Variants in PCSK5 observed in about 807,000 individuals in gnomAD.
The protein encoded by PCSK5 is proprotein convertase subtilisin/kexin type 5, also known as prohormone convertase 5.
In PCSK5, 129 loss-of-function variants were observed where a neutral mutation model predicts 233.2. The observed-to-expected ratio is 0.55, with a 90% CI of 0.48 to 0.64. The LOEUF is 0.64. Among genes scored for constraint, PCSK5 ranks in the 30% least tolerant of loss-of-function variants. PCSK5 has a pLI of 0.00. For missense variants in PCSK5, 2,076 were observed against 2,430.1 expected, an observed-to-expected ratio of 0.85 and a Z score of 3.06; for synonymous variants, 825 against 879.2, an observed-to-expected ratio of 0.94 and a Z score of 1.09.
intron 20 of PCSK5, among the ~76,000 whole-genome samples, chr9:76,191,950 G>C (rs952787743): frequency 1.1e-4 from 4 of 38,062 alleles, no homozygotes; most frequent in Middle Eastern, 0.015. Context: ...ATGGTAGCAC[G>C]TACCTGTAAT....
At chr9:75,955,862 G>A (rs960182225) in intron 2 of PCSK5, among the ~76,000 whole-genome samples, 1 of 152,054 alleles carries the variant, frequency 6.6e-6, no homozygotes, top group Admixed American at 6.6e-5. Flanking sequence ...ACCCTCCAAC[G>A]TGCTATCACC....
intron 1 of PCSK5, among the ~76,000 whole-genome samples, chr9:75,923,179 G>A (rs1041513331): frequency 6.6e-6 from 1 of 152,178 alleles, no homozygotes; most frequent in Non-Finnish European, 1.5e-5. Flanking sequence ...TCCTGGCTTG[G>A]ATACTTCTTT....
intron 36 of PCSK5, among the ~76,000 whole-genome samples, chr9:76,353,488 T>C (rs1564198123): frequency 6.6e-6 from 1 of 152,184 alleles, no homozygotes; most frequent in South Asian, 2.1e-4. Context: ...AAAGTGGAAA[T>C]TGATGTATCA....
intron 24 of PCSK5, among the ~76,000 whole-genome samples, chr9:76,259,442 C>T (rs1827093220): frequency 7.2e-6 from 1 of 139,344 alleles, no homozygotes; most frequent in Non-Finnish European, 1.5e-5. Flanking sequence ...GCCTCCCTCC[C>T]TCTCTGTCTA....
chr9:76,189,021 TAAAG>T, intron 18 of PCSK5, 69 bp from the exon 19 acceptor site: 1 of 1,357,360 alleles, frequency 7.4e-7, no homozygotes, highest in Non-Finnish European at 1.0e-6. Flanking sequence ...CTCAAACTGT[TAAAG>T]AAGAAGCCCA....
At chr9:76,281,983 T>C (rs535918528) in intron 24 of PCSK5, among the ~76,000 whole-genome samples, 2 of 151,990 alleles carry the variant, frequency 1.3e-5, no homozygotes, top group South Asian at 4.2e-4. Context: ...TGTATGGCAA[T>C]AGCTGCCGTA....
intron 34 of PCSK5, among the ~76,000 whole-genome samples, chr9:76,337,474 A>C (rs558946153): frequency 5.9e-5 from 9 of 151,270 alleles, no homozygotes; most frequent in Admixed American, 3.9e-4. Context: ...GTACCTGGCC[A>C]GATGGATCTC....
At chr9:76,049,620 A>T (rs1829551638) in intron 5 of PCSK5, among the ~76,000 whole-genome samples, 1 of 152,190 alleles carries the variant, frequency 6.6e-6, no homozygotes. Context: ...ACCTTCTCAC[A>T]CCCTGAAGTG....
chr9:76,043,300 T>C (rs571749406), intron 5 of PCSK5, among the ~76,000 whole-genome samples: 313 of 133,242 alleles, frequency 2.3e-3, no homozygotes, highest in African/African-American at 8.4e-3. Flanking sequence ...TGCACCACTG[T>C]GCTCCAGCCT....
intron 7 of PCSK5, among the ~76,000 whole-genome samples, chr9:76,086,193 A>G (rs1831054726): frequency 6.6e-6 from 1 of 151,920 alleles, no homozygotes; most frequent in African/African-American, 2.4e-5. Context: ...GTGTGAGAAT[A>G]GCTTTTCTTC....
intron 8 of PCSK5, 112 bp downstream of exon 8, chr9:76,096,214 C>CACACACACAG (rs568805931): frequency 1.5e-6 from 1 of 677,698 alleles, no homozygotes; most frequent in African/African-American, 1.8e-5. Flanking sequence ...CACACACACA[C>CACACACACAG]AGAAGTAATA....
chr9:75,942,909 G>T (rs1663315169), intron 2 of PCSK5, among the ~76,000 whole-genome samples: 1 of 128,148 alleles, frequency 7.8e-6, no homozygotes, highest in Non-Finnish European at 1.6e-5. Flanking sequence ...TTTTGAGATG[G>T]AGTCTTGCTC....
chr9:76,192,575 C>T (rs1005740454), intron 20 of PCSK5, among the ~76,000 whole-genome samples: 4 of 151,990 alleles, frequency 2.6e-5, no homozygotes, highest in African/African-American at 9.7e-5. Context: ...TCTGTTCAAC[C>T]GAGTTAGGCA....
intron 37 of PCSK5, among the ~76,000 whole-genome samples, chr9:76,355,731 T>C (rs1281353024): frequency 6.6e-6 from 1 of 151,920 alleles, no homozygotes; most frequent in Non-Finnish European, 1.5e-5. Context: ...TTTGACAGAG[T>C]GTGGCTCTGT....
intron 1 of PCSK5, among the ~76,000 whole-genome samples, chr9:75,931,060 T>G (rs967304224): frequency 6.6e-6 from 1 of 152,090 alleles, no homozygotes; most frequent in Non-Finnish European, 1.5e-5. Flanking sequence ...TCCACTTGAA[T>G]AAAAAATGTG....
intron 20 of PCSK5, among the ~76,000 whole-genome samples, chr9:76,191,684 A>G (rs1048098941): frequency 6.6e-6 from 1 of 152,176 alleles, no homozygotes; most frequent in South Asian, 2.1e-4. Context: ...TTTTCTCGCC[A>G]GGGCTGATTC....
Position 76,323,165 on chromosome 9 carries a change from A to G in PCSK5, c.4216A>G (p.Ser1406Gly), listed in dbSNP as rs750244268. The G allele has an allele frequency of 3.7e-6, 6 of 1,612,362 alleles. No individual in the cohort carries two copies. The highest frequency in any genetic ancestry group is 5.1e-6 in the Non-Finnish European group (6 of 1,179,490). The change falls in exon 32 of 38, where the codon AGT becomes GGT. Residue 1406 changes from serine (S) to glycine (G), a missense_variant. By Grantham distance (56) the Ser-to-Gly change is moderately conservative (BLOSUM62 0). This residue lies in a region of PCSK5 where 1,510 missense variants were observed against 1,538.1 expected (regional missense o/e 0.98). Coordinates refer to ENST00000674117, the MANE Select transcript of PCSK5 (RefSeq NM_001372043.1). ...CTGCCATAAAGACTGTCTGGAGTGC[A>G]GTGGCCCCAAAGCCGACGACTGCGA... ...VPCHKDCLECSGPKADDCELC... is the reference protein window; with the variant it reads ...VPCHKDCLECGGPKADDCELC...
intron 5 of PCSK5, among the ~76,000 whole-genome samples, chr9:76,050,149 A>G (rs1162604710): frequency 6.6e-6 from 1 of 152,178 alleles, no homozygotes; most frequent in African/African-American, 2.4e-5. Flanking sequence ...AAAATTAATT[A>G]TGAGTCAGAA....
chr9:76,250,317 T>C (rs1408207352), intron 24 of PCSK5, among the ~76,000 whole-genome samples: 3 of 152,006 alleles, frequency 2.0e-5, no homozygotes, highest in Non-Finnish European at 2.9e-5. Flanking sequence ...AGAAAGAAAG[T>C]GGAGCATCAC....
Sources: allele counts gnomAD v4.1 joint callset (sites outside exome capture counted in the v4.1 genomes callset), GRCh38; gene constraint gnomAD v4.1.1; regional missense constraint gnomAD v4.1.1; transcripts MANE v1.5; gene names NCBI Gene and HGNC (gene_info 2026-07-23, HGNC 2026-07-21).